CARF: variants seen among roughly 807,000 people sequenced by gnomAD.
CARF encodes the protein calcium responsive transcription factor.
In CARF, 57 loss-of-function variants were observed where a neutral mutation model predicts 82.0. The observed-to-expected ratio is 0.70, with a 90% CI of 0.56 to 0.87. The LOEUF (loss-of-function observed/expected upper bound fraction) is 0.87. Ranked by LOEUF, CARF falls within the 40% of genes least tolerant of loss-of-function variation. The pLI is 0.00. For missense variants in CARF, 771 were observed against 855.8 expected, an observed-to-expected ratio of 0.90 and a Z score of 1.24; for synonymous variants, 268 against 290.1, an observed-to-expected ratio of 0.92 and a Z score of 0.77.
At chr2:202,967,367 G>A (rs2105901838) in intron 10 of CARF, among the ~76,000 whole-genome samples, 1 of 152,252 alleles carries the variant, frequency 6.6e-6, no homozygotes, top group South Asian at 2.1e-4. Flanking sequence ...GAAAATCTCA[G>A]TAAAGCTCAC....
chr2:202,930,509 C>T (rs1055206043), intron 3 of CARF, among the ~76,000 whole-genome samples: 1 of 152,064 alleles, frequency 6.6e-6, no homozygotes, highest in Non-Finnish European at 1.5e-5. Flanking sequence ...CTAATTGAAG[C>T]TCTCTATTGT....
At chr2:202,953,506 T>TTTTTTTTTTTTTTTG (rs2058868076) in intron 6 of CARF, among the ~76,000 whole-genome samples, 1 of 145,948 alleles carries the variant, frequency 6.9e-6, no homozygotes, top group Non-Finnish European at 1.5e-5. Context: ...TTGTTTTTTT[T>TTTTTTTTTTTTTTTG]TTTTTTTTTT....
At chr2:202,968,595 A>G (rs574133437) in intron 10 of CARF, among the ~76,000 whole-genome samples, 121 of 152,180 alleles carry the variant, frequency 8.0e-4, no homozygotes, top group Non-Finnish European at 1.5e-3. Flanking sequence ...CTTAAATATA[A>G]GCATTATAAA....
Position 202,959,873 on chromosome 2 carries a change from T to C in CARF, c.643-1364T>C, listed in dbSNP as rs529681571. On this transcript the variant is annotated intron_variant, in intron 8 of 16. Transcript: ENST00000438828. The stretch of plus-strand genomic sequence containing the variant: ...CTCTAGTACGAGGATACTCAAATGG[T>C]TGTATATAGATAATATCAATTAATT... Among the ~76,000 whole-genome samples, 13 of 151,762 alleles carry C rather than the reference T, an allele frequency of 8.6e-5. No homozygotes were observed. The South Asian group carries it at 1.3e-3, about 15-fold the overall frequency.
At chr2:202,922,578 G>A (rs1343671401) in intron 2 of CARF, among the ~76,000 whole-genome samples, 1 of 152,110 alleles carries the variant, frequency 6.6e-6, no homozygotes, top group Non-Finnish European at 1.5e-5. Flanking sequence ...CAAGGTGGGT[G>A]GATCACCTTA....
intron 3 of CARF, chr2:202,925,152 A>C (rs540208168): frequency 3.0e-6 from 1 of 333,796 alleles, no homozygotes; most frequent in South Asian, 2.7e-5. Flanking sequence ...TGGAGAGACC[A>C]GTGGAGGACT....
In CARF at chr2:202,983,738, G is replaced by A. The variant is rs1476369713; in HGVS notation, c.*114G>A. The A allele has an allele frequency of 4.3e-6, 3 of 696,156 alleles. No individual in the cohort carries two copies. Among genetic ancestry groups the A allele is most frequent in the Non-Finnish European group, 7.5e-6 (3 of 399,908 alleles). 43.1% of individuals were successfully genotyped at this position (696,156 alleles called of 1,614,324 possible). ...TAATTGGACTGAAGACCAGTTTGAT[G>A]AGAAGCTTTTATTTAAAACTGATAT... is the stretch of plus-strand genomic sequence containing the variant. On this transcript the variant is annotated 3_prime_UTR_variant, in exon 17 of 17. Transcript: ENST00000438828.
chr2:202,946,274 C>A (rs1321192254), intron 5 of CARF, among the ~76,000 whole-genome samples: 1 of 152,182 alleles, frequency 6.6e-6, no homozygotes, highest in South Asian at 2.1e-4. Context: ...GTAACCCAAA[C>A]AGCATGGTAC....
At chr2:202,931,589 T>C (rs1236154979) in intron 3 of CARF, among the ~76,000 whole-genome samples, 1 of 152,222 alleles carries the variant, frequency 6.6e-6, no homozygotes, top group Admixed American at 6.5e-5. Flanking sequence ...TTCTAAACTT[T>C]CTAGAGTAGC....
chr2:202,979,320 A>G (rs1332876277), intron 14 of CARF, among the ~76,000 whole-genome samples: 3 of 152,164 alleles, frequency 2.0e-5, no homozygotes, highest in African/African-American at 7.2e-5. Flanking sequence ...AGATGTTTGA[A>G]CTTGAGATTT....
intron 10 of CARF, among the ~76,000 whole-genome samples, chr2:202,969,091 A>G (rs1193067133): frequency 1.3e-5 from 2 of 152,150 alleles, no homozygotes; most frequent in Admixed American, 6.6e-5. Flanking sequence ...GGAGTTTGAG[A>G]CCAGCCTGAC....
At chr2:202,938,906 C>T (rs534881086) in intron 3 of CARF, among the ~76,000 whole-genome samples, 1 of 152,206 alleles carries the variant, frequency 6.6e-6, no homozygotes, top group East Asian at 1.9e-4. Flanking sequence ...ACCTTAAATA[C>T]TATTCCTATG....
chr2:202,971,610 A>G lies in CARF; in HGVS notation c.1203A>G (p.Glu401=), dbSNP rs375095133. The stretch of plus-strand genomic sequence containing the variant: ...CTTTTCCTGTGTCTTCTCTTGAAGA[A>G]GAGGAAACTGCAGTTAGAGATGAGA... The part of the protein sequence containing the change: ...PSPFPVSSLE[E]EETAVRDENC... Residue 401 remains glutamate (E), a synonymous_variant, in exon 12 of 17, where the codon GAA becomes GAG. Transcript: ENST00000438828. 1.2e-6 allele frequency: 2 copies of G among 1,613,594 alleles called. No homozygotes were observed. Among genetic ancestry groups the G allele is most frequent in the African/African-American group, 2.7e-5 (2 of 74,910 alleles).
chr2:202,936,973 A>G (rs941993491), intron 3 of CARF, among the ~76,000 whole-genome samples: 4 of 152,140 alleles, frequency 2.6e-5, no homozygotes, highest in Admixed American at 2.0e-4. Flanking sequence ...TATTTTTGGT[A>G]TGTAATATGA....
chr2:202,971,452 T>A, intron 11 of CARF, 53 bp from the exon 12 acceptor site: 2 of 1,083,732 alleles, frequency 1.8e-6, no homozygotes, highest in Non-Finnish European at 2.7e-6. Flanking sequence ...CTAATAATAT[T>A]AAATAATTTT....
In CARF at chr2:202,987,438, C is replaced by T. The variant is rs967267001; in HGVS notation, c.*3814C>T. ...CTTAATCTCTCCAGAAGGGATACTG[C>T]ATTGGTTCTTCTCCATCAGCTGGCT... is the stretch of plus-strand genomic sequence containing the variant. On this transcript the variant is annotated 3_prime_UTR_variant, in exon 17 of 17. Coordinates refer to ENST00000438828, the MANE Select transcript of CARF (RefSeq NM_024744.17). Among the ~76,000 whole-genome samples, 5 of 152,182 alleles carry T rather than the reference C, an allele frequency of 3.3e-5. No individual in the cohort carries two copies. The highest frequency in any genetic ancestry group is 7.2e-5 in the African/African-American group (3 of 41,522).
chr2:202,920,823 T>TAA lies in CARF; in HGVS notation c.-163+2781_-163+2782dup, dbSNP rs572335186. On this transcript the variant is annotated intron_variant, in intron 2 of 16. Transcript: ENST00000438828. ...ATATTCCTAATAGATATTTCATTTTTAATAAGCCCCTCAATAGGACCTTAT... is the reference window on the plus strand; with the variant it reads ...ATATTCCTAATAGATATTTCATTTTTAAAATAAGCCCCTCAATAGGACCTTAT... 1.2e-3 allele frequency among the ~76,000 whole-genome samples: 177 copies of TAA among 152,366 alleles called. 1 individual carries two copies. Among genetic ancestry groups the TAA allele is most frequent in the Admixed American group, 3.7e-3 (56 of 15,302 alleles).
At chr2:202,934,928 T>C (rs189859815) in intron 3 of CARF, among the ~76,000 whole-genome samples, 4 of 151,296 alleles carry the variant, frequency 2.6e-5, no homozygotes, top group African/African-American at 7.3e-5. Context: ...AGTACAAAAA[T>C]TAGCTGGGCA....
In CARF at chr2:202,983,771, G is replaced by T. The variant is rs2060356710; in HGVS notation, c.*147G>T. The T allele has an allele frequency of 1.7e-6, 1 of 603,204 alleles. No individual in the cohort carries two copies. The highest frequency in any genetic ancestry group is 2.9e-6 in the Non-Finnish European group (1 of 344,358). 37.4% of individuals were successfully genotyped at this position (603,204 alleles called of 1,614,324 possible). On this transcript the variant is annotated 3_prime_UTR_variant, in exon 17 of 17. Coordinates refer to ENST00000438828, the MANE Select transcript of CARF (RefSeq NM_024744.17). ...TTTATTTAAAACTGATATATTTGTT[G>T]CCAGTTCCATATTTTTACCTTCCTT...
Sources: allele counts gnomAD v4.1 joint callset (sites outside exome capture counted in the v4.1 genomes callset), GRCh38; gene constraint gnomAD v4.1.1; transcripts MANE v1.5; gene names NCBI Gene and HGNC (gene_info 2026-07-23, HGNC 2026-07-21).